DIPK1B: variants seen among roughly 807,000 people sequenced by gnomAD.
The protein encoded by DIPK1B is family with sequence similarity 69 member B.
Under a neutral mutation model 20.7 loss-of-function variants are expected in DIPK1B, and 17 were observed. The ratio of observed to expected loss-of-function variants is 0.82; its 90% CI spans 0.56 to 1.23. The LOEUF is 1.23. DIPK1B is among the 50% of genes most tolerant of loss of function. The pLI, the probability that DIPK1B is intolerant of heterozygous loss-of-function variation, is 0.00. For synonymous variants in DIPK1B, 343 were observed against 276.5 expected, an observed-to-expected ratio of 1.24 and a Z score of -2.39; for missense variants, 648 against 601.8, an observed-to-expected ratio of 1.08 and a Z score of -0.80.
intron 4 of DIPK1B, 155 bp downstream of exon 4, chr9:136,722,456 C>G: frequency 1.1e-6 from 1 of 934,350 alleles, no homozygotes. Context: ...GGGCATGAGC[C>G]CTGCCAGGGA....
chr9:136,718,606 CA>C (rs1254591678), intron 2 of DIPK1B, among the ~76,000 whole-genome samples: 1 of 152,218 alleles, frequency 6.6e-6, no homozygotes, highest in Non-Finnish European at 1.5e-5. Context: ...GCCCGATGAC[CA>C]GGGTTCCGAT....
chr9:136,722,853 G>A, intron 4 of DIPK1B, 109 bp from the exon 5 acceptor site: 1 of 1,147,088 alleles, frequency 8.7e-7, no homozygotes, highest in Non-Finnish European at 1.2e-6. Flanking sequence ...TGGCAGATGT[G>A]CTGGTCTGGC....
At chr9:136,713,994 C>T (rs1036691976) in intron 1 of DIPK1B, among the ~76,000 whole-genome samples, 1 of 152,246 alleles carries the variant, frequency 6.6e-6, no homozygotes, top group Non-Finnish European at 1.5e-5. Context: ...CCCCACCTGC[C>T]CCTGCAAAGC....
At chr9:136,720,063 G>C (rs992660279) in intron 2 of DIPK1B, among the ~76,000 whole-genome samples, 1 of 151,428 alleles carries the variant, frequency 6.6e-6, no homozygotes, top group Admixed American at 6.6e-5. Context: ...CGGGTGCAGG[G>C]GGCTGGTCTG....
chr9:136,714,152 T>A (rs1209071556), intron 1 of DIPK1B, among the ~76,000 whole-genome samples: 1 of 152,092 alleles, frequency 6.6e-6, no homozygotes, highest in Non-Finnish European at 1.5e-5. Context: ...CACAGCAGGG[T>A]CAGGGATGGC....
chr9:136,723,958 A>G lies in DIPK1B; in HGVS notation c.*184A>G, dbSNP rs968394363. 7.8e-5 allele frequency: 50 copies of G among 641,770 alleles called. No homozygotes were observed. In the African/African-American group the frequency reaches 9.0e-4, roughly 12 times the overall value. 39.8% of individuals were successfully genotyped at this position (641,770 alleles called of 1,614,324 possible). A position where few individuals can be genotyped will look rare whatever the true frequency, so the allele number is the denominator to read the frequency against. ...ACCCCAGCTCGGAGCAAAGGCGGAC[A>G]TGGACATCCCGGCAGGAGAGTCCTC... is the stretch of plus-strand genomic sequence containing the variant. On this transcript the variant is annotated 3_prime_UTR_variant, in exon 5 of 5. Coordinates refer to ENST00000371692, the MANE Select transcript of DIPK1B (RefSeq NM_152421.4).
chr9:136,717,477 G>A, intron 1 of DIPK1B, 100 bp from the exon 2 acceptor site: 1 of 1,394,034 alleles, frequency 7.2e-7, no homozygotes, highest in Non-Finnish European at 9.7e-7. Flanking sequence ...GGGGAAGGCT[G>A]GGGTGGATCC....
In DIPK1B at chr9:136,721,983, T is replaced by C. The variant is rs778810643; in HGVS notation, c.261T>C (p.His87=). The part of the protein sequence containing the change: ...GSVCQDLCEL[H]MVEWRTCLSV... Reference sequence around the variant, plus strand: ...TCTGCCAGGACCTGTGTGAGCTGCATATGGTGGAGTGGAGGACCTGCCTCT... The same window carrying C: ...TCTGCCAGGACCTGTGTGAGCTGCACATGGTGGAGTGGAGGACCTGCCTCT... Residue 87 remains histidine, a synonymous_variant, in exon 3 of 5, where the codon CAT becomes CAC. Transcript: ENST00000371692. 1 of 1,612,780 alleles carries C rather than the reference T, an allele frequency of 6.2e-7. No individual in the cohort carries two copies. The highest frequency in any genetic ancestry group is 8.5e-7 in the Non-Finnish European group (1 of 1,179,856).
intron 2 of DIPK1B, among the ~76,000 whole-genome samples, 174 bp downstream of exon 2, chr9:136,717,885 A>G (rs1846523407): frequency 1.0e-5 from 1 of 97,356 alleles, no homozygotes; most frequent in Non-Finnish European, 2.0e-5. Context: ...ACAGGGGTCC[A>G]GGGGAGGACG....
At chr9:136,720,120 G>T (rs951347177) in intron 2 of DIPK1B, among the ~76,000 whole-genome samples, 1 of 152,032 alleles carries the variant, frequency 6.6e-6, no homozygotes, top group Admixed American at 6.5e-5. Flanking sequence ...TGGGTGCAGG[G>T]AGCTGGCTGG....
rs966548960 is a variant in DIPK1B at position 136,712,606 on chromosome 9, C to G, written c.-60C>G. 5 of 824,702 alleles carry G rather than the reference C, an allele frequency of 6.1e-6. No individual in the cohort carries two copies. In the Admixed American group the frequency reaches 1.9e-4, roughly 31 times the overall value. 51.1% of individuals were successfully genotyped at this position (824,702 alleles called of 1,614,324 possible). On this transcript the variant is annotated 5_prime_UTR_variant, in exon 1 of 5. Coordinates refer to ENST00000371692, the MANE Select transcript of DIPK1B (RefSeq NM_152421.4). The surrounding 1 kb of genome is among the most constrained non-coding windows in gnomAD (Gnocchi z 5.6). The stretch of plus-strand genomic sequence containing the variant: ...GAGCGGCGGCCGCTGCGGGCCGGGC[C>G]GGGCCGGGGCTGAGGCCGAGCGAGC...
Position 136,723,570 on chromosome 9 carries a change from C to A in DIPK1B, c.1092C>A (p.Pro364=). Residue 364 remains proline (P), a synonymous_variant, in exon 5 of 5, where the codon CCC becomes CCA. Coordinates refer to ENST00000371692, the MANE Select transcript of DIPK1B (RefSeq NM_152421.4). ...AGTGCAAGGGCGACCTCATCCAGCC[C>A]AACCTGGCCAAGGTGTGCGCACTGC... ...MRQCKGDLIQ[P]NLAKVCALLR... The A allele has an allele frequency of 6.3e-7, 1 of 1,597,662 alleles. No homozygotes were observed. The highest frequency in any genetic ancestry group is 8.5e-7 in the Non-Finnish European group (1 of 1,172,588).
At chr9:136,714,461 G>A (rs972467139) in intron 1 of DIPK1B, among the ~76,000 whole-genome samples, 35 of 152,190 alleles carry the variant, frequency 2.3e-4, no homozygotes, top group African/African-American at 7.7e-4. Context: ...ACTGTCCCCA[G>A]CTGGGGTCAG....
chr9:136,715,037 C>T (rs1305925585), intron 1 of DIPK1B, among the ~76,000 whole-genome samples: 1 of 152,266 alleles, frequency 6.6e-6, no homozygotes, highest in Non-Finnish European at 1.5e-5. Context: ...CTGATGGGGG[C>T]TCTGGCTTGG....
intron 1 of DIPK1B, among the ~76,000 whole-genome samples, chr9:136,717,156 G>T (rs1000519264): frequency 4.0e-5 from 6 of 151,846 alleles, no homozygotes; most frequent in Admixed American, 3.9e-4. Flanking sequence ...TTGAACCCGG[G>T]AGGCAGAGGT....
rs200695253 is a variant in DIPK1B, at chr9:136,723,054, G to A, written c.576G>A (p.Ala192=). The part of the protein sequence containing the change: ...DFNKDNRVSL[A]EAKSVWALLQ... ...ACAAGGACAACCGGGTGTCCCTGGCGGAAGCCAAGTCCGTGTGGGCCCTGC... is the reference window on the plus strand; with the variant it reads ...ACAAGGACAACCGGGTGTCCCTGGCAGAAGCCAAGTCCGTGTGGGCCCTGC... The change falls in exon 5 of 5, where the codon GCG becomes GCA. Residue 192 remains alanine (A), a synonymous_variant. Transcript: ENST00000371692. 123 of 1,613,518 alleles carry A rather than the reference G, an allele frequency of 7.6e-5. No homozygotes were observed. Among genetic ancestry groups the A allele is most frequent in the Non-Finnish European group, 8.7e-5 (103 of 1,180,028 alleles).
intron 1 of DIPK1B, among the ~76,000 whole-genome samples, chr9:136,716,117 G>C (rs1184190898): frequency 6.6e-6 from 1 of 151,980 alleles, no homozygotes; most frequent in Non-Finnish European, 1.5e-5. Flanking sequence ...CTCCCTTCTG[G>C]GTGGACATCA....
chr9:136,720,922 C>G (rs1271646469), intron 2 of DIPK1B: 1 of 152,252 alleles, frequency 6.6e-6, no homozygotes, highest in African/African-American at 2.4e-5. Flanking sequence ...CTGGGGAAGG[C>G]TGGGCCGGGC....
rs1022368350 is a variant in DIPK1B at position 136,723,232 on chromosome 9, C to T, written c.754C>T (p.Leu252=). The change falls in exon 5 of 5, where the codon CTG becomes TTG. Residue 252 remains leucine, a synonymous_variant. Transcript: ENST00000371692. ...AALPPLLRPL[L]PPALQGALQQ... is the part of the protein sequence containing the mutation. ...CCTTCCACCCCTGTTGCGCCCACTG[C>T]TGCCGCCTGCCCTGCAGGGTGCTCT... 6.2e-7 allele frequency: 1 copy of T among 1,612,052 alleles called. No homozygotes were observed. Among genetic ancestry groups the T allele is most frequent in the Non-Finnish European group, 8.5e-7 (1 of 1,179,612 alleles).
Sources: gnomAD v4.1 joint callset for allele counts (sites outside exome capture counted in the v4.1 genomes callset) on GRCh38, gnomAD v4.1.1 for gene constraint, Gnocchi (gnomAD v3.1) non-coding constraint, MANE v1.5 for transcripts, NCBI Gene and HGNC (gene_info 2026-07-23, HGNC 2026-07-21) for gene names.